EFNA5: variants seen among roughly 807,000 people sequenced by gnomAD.
EFNA5 encodes ephrin A5.
EFNA5 carries 5 observed loss-of-function variants against 22.9 expected under a neutral mutation model. The ratio of observed to expected loss-of-function variants is 0.22; its 90% CI spans 0.11 to 0.46. EFNA5 has a LOEUF of 0.46. EFNA5 is among the 20% of genes least tolerant of loss of function. EFNA5 has a pLI of 0.99. For synonymous variants in EFNA5, 113 were observed against 112.2 expected (o/e 1.01, Z -0.04); for missense variants, 237 against 293.3 (o/e 0.81, Z 1.40).
At chr5:107,435,560 C>T (rs559377915) in intron 1 of EFNA5, among the ~76,000 whole-genome samples, 3 of 152,170 alleles carry the variant, frequency 2.0e-5, no homozygotes, top group Non-Finnish European at 4.4e-5. Flanking sequence ...CACTGTTACC[C>T]CACCAGGTGT....
At chr5:107,602,578 C>T (rs867612183) in intron 1 of EFNA5, among the ~76,000 whole-genome samples, 1 of 152,300 alleles carries the variant, frequency 6.6e-6, no homozygotes, top group Middle Eastern at 3.4e-3. Context: ...ATACTTTGTT[C>T]AGCAGAACAG....
intron 1 of EFNA5, among the ~76,000 whole-genome samples, chr5:107,462,411 C>T (rs953605748): frequency 6.6e-6 from 1 of 152,248 alleles, no homozygotes; most frequent in African/African-American, 2.4e-5. Flanking sequence ...TGCTGTATTG[C>T]TGAACTGATA....
chr5:107,430,830 G>A (rs1185046728), intron 1 of EFNA5, among the ~76,000 whole-genome samples: 2 of 143,178 alleles, frequency 1.4e-5, no homozygotes, highest in African/African-American at 5.3e-5. Context: ...AGGCTGGAGT[G>A]CAGTGGTGTG....
At chr5:107,438,886 TTGAGGTCCTCCC>T (rs1365222585) in intron 1 of EFNA5, among the ~76,000 whole-genome samples, 2 of 152,212 alleles carry the variant, frequency 1.3e-5, no homozygotes, top group African/African-American at 4.8e-5. Flanking sequence ...CCTGGAACTT[TTGAGGTCCTCCC>T]TGCAACCATC....
At chr5:107,631,466 G>A (rs1328450459) in intron 1 of EFNA5, among the ~76,000 whole-genome samples, 1 of 151,528 alleles carries the variant, frequency 6.6e-6, no homozygotes, top group Non-Finnish European at 1.5e-5. Flanking sequence ...AAAACTAAAA[G>A]AGTATCCTTG....
intron 1 of EFNA5, among the ~76,000 whole-genome samples, chr5:107,663,577 T>C (rs1751010434): frequency 6.6e-6 from 1 of 152,128 alleles, no homozygotes; most frequent in South Asian, 2.1e-4. Flanking sequence ...AAAGAATATT[T>C]ATATCTTATA....
rs1161187891 is a variant in EFNA5 at position 107,436,102 on chromosome 5, T to C, written c.126-8593A>G. Among the ~76,000 whole-genome samples, 4 of 152,340 alleles carry C rather than the reference T, an allele frequency of 2.6e-5. No homozygotes were observed. The East Asian group carries it at 5.8e-4, about 22-fold the overall frequency. On this transcript the variant is annotated intron_variant, in intron 1 of 4. Coordinates refer to ENST00000333274, the MANE Select transcript of EFNA5 (RefSeq NM_001962.3). ...ATTCACATAGCTTTTGCCTGTTGCTTTTCTACTACAAGTCATGTCAGTCTG... is the reference window on the plus strand; with the variant it reads ...ATTCACATAGCTTTTGCCTGTTGCTCTTCTACTACAAGTCATGTCAGTCTG...
At chr5:107,604,367 T>C (rs907223445) in intron 1 of EFNA5, among the ~76,000 whole-genome samples, 15 of 151,988 alleles carry the variant, frequency 9.9e-5, no homozygotes. Context: ...ACCAAACCAA[T>C]TTCCTATCTT....
At chr5:107,587,834 A>G (rs2112499704) in intron 1 of EFNA5, among the ~76,000 whole-genome samples, 1 of 152,246 alleles carries the variant, frequency 6.6e-6, no homozygotes, top group South Asian at 2.1e-4. Context: ...TATAGTTTTA[A>G]TATACGATGA....
chr5:107,579,703 G>C (rs1749002874), intron 1 of EFNA5, among the ~76,000 whole-genome samples: 1 of 152,122 alleles, frequency 6.6e-6, no homozygotes, highest in Admixed American at 6.5e-5. Flanking sequence ...AAAGCACAGG[G>C]TGAATTCATC....
chr5:107,397,675 T>A (rs1232536834), intron 2 of EFNA5, among the ~76,000 whole-genome samples: 2 of 152,204 alleles, frequency 1.3e-5, no homozygotes, highest in African/African-American at 4.8e-5. Flanking sequence ...ATTACAAGTA[T>A]CTAGATAGAA....
intron 1 of EFNA5, among the ~76,000 whole-genome samples, chr5:107,529,923 A>G (rs1747774528): frequency 6.6e-6 from 1 of 152,234 alleles, no homozygotes; most frequent in East Asian, 1.9e-4. Flanking sequence ...TAGAGGTTTC[A>G]GGTATTATCT....
chr5:107,481,092 C>G (rs189990176), intron 1 of EFNA5, among the ~76,000 whole-genome samples: 2 of 152,254 alleles, frequency 1.3e-5, no homozygotes, highest in Non-Finnish European at 2.9e-5. Context: ...ACAAAACAAA[C>G]TAAGAGGTGT....
chr5:107,661,467 T>C (rs1750959402), intron 1 of EFNA5, among the ~76,000 whole-genome samples: 1 of 152,344 alleles, frequency 6.6e-6, no homozygotes, highest in East Asian at 1.9e-4. Context: ...AAACGCATCC[T>C]GCTACGATGG....
intron 1 of EFNA5, among the ~76,000 whole-genome samples, chr5:107,627,194 G>A (rs907539514): frequency 6.6e-6 from 1 of 152,108 alleles, no homozygotes; most frequent in Non-Finnish European, 1.5e-5. Context: ...GCACATTAGA[G>A]TAACTGGATG....
intron 1 of EFNA5, among the ~76,000 whole-genome samples, chr5:107,598,571 T>C (rs931430307): frequency 6.6e-6 from 1 of 152,218 alleles, no homozygotes; most frequent in Non-Finnish European, 1.5e-5. Context: ...GAAAAGTTTA[T>C]AATCTTTCCT....
chr5:107,603,860 C>T (rs537244829), intron 1 of EFNA5, among the ~76,000 whole-genome samples: 9 of 152,272 alleles, frequency 5.9e-5, no homozygotes, highest in Non-Finnish European at 7.4e-5. Context: ...CTTTACAGAA[C>T]GGCAATGTGG....
At chr5:107,387,425 C>A in intron 3 of EFNA5, 110 bp from the exon 4 acceptor site, 1 of 710,562 alleles carries the variant, frequency 1.4e-6, no homozygotes, top group Non-Finnish European at 2.3e-6. Context: ...TGTAGATTGT[C>A]TTACAATCAA....
At chr5:107,468,200 T>A (rs535941425) in intron 1 of EFNA5, among the ~76,000 whole-genome samples, 47 of 152,292 alleles carry the variant, frequency 3.1e-4, no homozygotes, top group Non-Finnish European at 6.3e-4. Context: ...TGCCCTTTGT[T>A]TTGTCAGAAG....
Sources: allele counts gnomAD v4.1 joint callset (sites outside exome capture counted in the v4.1 genomes callset), GRCh38; gene constraint gnomAD v4.1.1; transcripts MANE v1.5; gene names NCBI Gene and HGNC (gene_info 2026-07-23, HGNC 2026-07-21).